The following ZBTB16 variants were observed in gnomAD, a reference collection of about 807,000 sequenced individuals.
ZBTB16 encodes the protein zinc finger and BTB domain containing 16.
In ZBTB16, 8 loss-of-function variants were observed where a neutral mutation model predicts 56.8. The ratio of observed to expected loss-of-function variants is 0.14; its 90% CI spans 0.08 to 0.25. The LOEUF (loss-of-function observed/expected upper bound fraction) is 0.25. ZBTB16 is among the 10% of genes least tolerant of loss of function. The pLI, the probability that ZBTB16 is intolerant of heterozygous loss-of-function variation, is 1.00. For missense variants in ZBTB16, 625 were observed against 903.0 expected, an observed-to-expected ratio of 0.69 and a Z score of 3.95; for synonymous variants, 363 against 368.5, an observed-to-expected ratio of 0.98 and a Z score of 0.17.
At chr11:114,094,931 C>T (rs1425076233) in intron 2 of ZBTB16, among the ~76,000 whole-genome samples, 1 of 152,238 alleles carries the variant, frequency 6.6e-6, no homozygotes, top group Non-Finnish European at 1.5e-5. Flanking sequence ...CCTGTTAGCC[C>T]AGATACCCCT....
chr11:114,225,036 C>T (rs774377361), intron 4 of ZBTB16, among the ~76,000 whole-genome samples: 10 of 152,044 alleles, frequency 6.6e-5, no homozygotes, highest in Admixed American at 3.9e-4. Flanking sequence ...TTAGTTAGAC[C>T]GATCCAAGCT....
intron 4 of ZBTB16, among the ~76,000 whole-genome samples, chr11:114,199,704 G>A (rs890291904): frequency 6.6e-6 from 1 of 152,176 alleles, no homozygotes; most frequent in Middle Eastern, 3.2e-3. Context: ...TGTTTGGGGG[G>A]TTCTGTGGTT....
chr11:114,098,839 A>G (rs238931), intron 2 of ZBTB16, among the ~76,000 whole-genome samples: 85,687 of 151,230 alleles, frequency 0.57, 28,269 homozygotes, highest in Non-Finnish European at 0.75. Flanking sequence ...TGGTGAGGGG[A>G]AAAGGAAATG....
At position 114,102,423 on chromosome 11, in the gene ZBTB16, T is replaced by C. The variant is rs976063718; in HGVS notation, c.1268+37855T>C. Among the ~76,000 whole-genome samples the C allele has an allele frequency of 3.9e-5, 6 of 152,238 alleles. No individual in the cohort carries two copies. The East Asian group carries it at 1.2e-3, about 29-fold the overall frequency. On this transcript the variant is annotated intron_variant, in intron 2 of 6. Coordinates refer to ENST00000335953, the MANE Select transcript of ZBTB16 (RefSeq NM_006006.6). ...TGGTGAGTTTTTTTTACTCTGGGGT[T>C]TTCAGGAGAAAGGTTTGTCATTCAT...
At chr11:114,232,374 A>C (rs745870026) in intron 4 of ZBTB16, among the ~76,000 whole-genome samples, 1 of 152,110 alleles carries the variant, frequency 6.6e-6, no homozygotes, top group Non-Finnish European at 1.5e-5. Context: ...CTCTCCTTTG[A>C]ACTTCATTTC....
At chr11:114,196,664 G>T (rs1004829463) in intron 4 of ZBTB16, among the ~76,000 whole-genome samples, 18 of 152,252 alleles carry the variant, frequency 1.2e-4, no homozygotes, top group African/African-American at 4.1e-4. Context: ...TATGCTAGGT[G>T]CTTTGTGGAC....
In ZBTB16 at chr11:114,255,049, C is replaced by T. The variant is rs1402507272; in HGVS notation, c.*4494C>T. On this transcript the variant is annotated 3_prime_UTR_variant, in exon 7 of 7. Transcript: ENST00000335953. ...TTCACATAGTGTTATGCATGATCTT[C>T]GTAAGGTTAAGAAGCCGTGGTGGTG... Among the ~76,000 whole-genome samples, 4 of 152,230 alleles carry T rather than the reference C, an allele frequency of 2.6e-5. No homozygotes were observed. In the South Asian group the frequency reaches 6.2e-4, roughly 24 times the overall value.
At position 114,255,066 on chromosome 11, in the gene ZBTB16, G is replaced by A. The variant is rs375884985; in HGVS notation, c.*4511G>A. Among the ~76,000 whole-genome samples, 4 of 152,168 alleles carry A rather than the reference G, an allele frequency of 2.6e-5. No individual in the cohort carries two copies. The highest frequency in any genetic ancestry group is 6.5e-5 in the Admixed American group (1 of 15,284). On this transcript the variant is annotated 3_prime_UTR_variant, in exon 7 of 7. Coordinates refer to ENST00000335953, the MANE Select transcript of ZBTB16 (RefSeq NM_006006.6). ...ATGATCTTCGTAAGGTTAAGAAGCC[G>A]TGGTGGTGCACCATGACATCCAACC...
chr11:114,064,543 G>T lies in ZBTB16; in HGVS notation c.1243G>T (p.Asp415Tyr), dbSNP rs769613587. 2 of 1,613,982 alleles carry T rather than the reference G, an allele frequency of 1.2e-6. No homozygotes were observed. Among genetic ancestry groups the T allele is most frequent in the Non-Finnish European group, 8.5e-7 (1 of 1,180,026 alleles). ...CAGCGTGTGTGGGGTCGAGCTTCCT[G>T]ATAACGAGGCTGTGGAGCAGCACAG... Reference protein sequence around the residue: ...QCSVCGVELPDNEAVEQHRKL... With the variant: ...QCSVCGVELPYNEAVEQHRKL... The change falls in exon 2 of 7, where the codon GAT becomes TAT. Residue 415 changes from aspartate (D) to tyrosine (Y), a missense_variant. Asp to Tyr is a radical substitution (Grantham distance 160). Transcript: ENST00000335953. This position sits in a 1 kb window ranked among gnomAD's most constrained non-coding sequence, Gnocchi z 4.2.
intron 3 of ZBTB16, among the ~76,000 whole-genome samples, chr11:114,171,152 A>G (rs1942956563): frequency 6.6e-6 from 1 of 152,194 alleles, no homozygotes; most frequent in South Asian, 2.1e-4. Context: ...CACTGTCTTC[A>G]TTACTTATTT....
At position 114,254,147 on chromosome 11, in the gene ZBTB16, T is replaced by C. The variant is rs953214127; in HGVS notation, c.*3592T>C. Among the ~76,000 whole-genome samples, 10 of 152,032 alleles carry C rather than the reference T, an allele frequency of 6.6e-5. No homozygotes were observed. The highest frequency in any genetic ancestry group is 1.2e-4 in the Non-Finnish European group (8 of 68,006). Reference sequence around the variant, plus strand: ...ACTCATTCAAAGCATTAAAATCCTATGTATATATAGGATAGACAAATATAT... The same window carrying C: ...ACTCATTCAAAGCATTAAAATCCTACGTATATATAGGATAGACAAATATAT... On this transcript the variant is annotated 3_prime_UTR_variant, in exon 7 of 7. Coordinates refer to ENST00000335953, the MANE Select transcript of ZBTB16 (RefSeq NM_006006.6).
intron 4 of ZBTB16, among the ~76,000 whole-genome samples, chr11:114,216,827 G>A (rs932091116): frequency 6.6e-6 from 1 of 152,172 alleles, no homozygotes; most frequent in African/African-American, 2.4e-5. Context: ...TTAAATGCTG[G>A]GAATAGAAAG....
intron 3 of ZBTB16, among the ~76,000 whole-genome samples, chr11:114,159,949 G>GGGGA (rs1565658368): frequency 6.9e-6 from 1 of 145,474 alleles, no homozygotes; most frequent in Non-Finnish European, 1.5e-5. Flanking sequence ...GGGGGGAGGC[G>GGGGA]AGCATTTTTT....
chr11:114,170,539 T>C (rs753696649), intron 3 of ZBTB16, among the ~76,000 whole-genome samples: 10 of 152,220 alleles, frequency 6.6e-5, no homozygotes, highest in Admixed American at 2.0e-4. Context: ...TTCCAGACTT[T>C]TCCCCAGTAG....
chr11:114,152,944 C>G (rs1381012648), intron 2 of ZBTB16, among the ~76,000 whole-genome samples: 2 of 152,176 alleles, frequency 1.3e-5, no homozygotes, highest in East Asian at 3.9e-4. Flanking sequence ...CCATTTTGAT[C>G]TAAATGCTTT....
chr11:114,191,806 C>T (rs936512679), intron 4 of ZBTB16, among the ~76,000 whole-genome samples: 2 of 152,124 alleles, frequency 1.3e-5, no homozygotes, highest in African/African-American at 2.4e-5. Flanking sequence ...GCATACGTAG[C>T]TTTACTGAGA....
In ZBTB16 at chr11:114,250,426, G is replaced by T; in HGVS notation, c.1893G>T (p.Gln631His). 1 of 1,614,116 alleles carries T rather than the reference G, an allele frequency of 6.2e-7. No individual in the cohort carries two copies. The highest frequency in any genetic ancestry group is 8.5e-7 in the Non-Finnish European group (1 of 1,180,034). ...LRTHNGASPYQCTICTEYCPS... is the reference protein window; with the variant it reads ...LRTHNGASPYHCTICTEYCPS... ...CGCACAACGGCGCCTCGCCCTACCAGTGCACCATCTGCACAGAGTACTGCC... is the reference window on the plus strand; with the variant it reads ...CGCACAACGGCGCCTCGCCCTACCATTGCACCATCTGCACAGAGTACTGCC... Residue 631 changes from glutamine to histidine, a missense_variant, in exon 7 of 7, where the codon CAG (glutamine) becomes CAT (histidine). Around this residue, in one of 6 missense-constraint regions of ZBTB16, gnomAD observed 40 missense variants for 93.2 expected, o/e 0.43. Coordinates refer to ENST00000335953, the MANE Select transcript of ZBTB16 (RefSeq NM_006006.6). The surrounding 1 kb of genome is among the most constrained non-coding windows in gnomAD (Gnocchi z 6.0).
chr11:114,120,878 C>G (rs1223789980), intron 2 of ZBTB16, among the ~76,000 whole-genome samples: 5 of 152,156 alleles, frequency 3.3e-5, no homozygotes, highest in Non-Finnish European at 7.3e-5. Context: ...GACCTGTCTC[C>G]TCTTCAGCCT....
intron 2 of ZBTB16, among the ~76,000 whole-genome samples, chr11:114,083,716 C>T (rs1457467754): frequency 6.6e-6 from 1 of 152,202 alleles, no homozygotes; most frequent in African/African-American, 2.4e-5. Flanking sequence ...TTGGATCCCT[C>T]CACCCCCGCA....
Sources: allele counts gnomAD v4.1 joint callset (sites outside exome capture counted in the v4.1 genomes callset), GRCh38; gene constraint gnomAD v4.1.1; regional missense constraint gnomAD v4.1.1; non-coding constraint Gnocchi (gnomAD v3.1); transcripts MANE v1.5; gene names NCBI Gene and HGNC (gene_info 2026-07-23, HGNC 2026-07-21).